PAPPA: variants seen among roughly 807,000 people sequenced by gnomAD.
PAPPA encodes pappalysin 1.
In PAPPA, 60 loss-of-function variants were observed where a neutral mutation model predicts 164.0. The ratio of observed to expected loss-of-function variants is 0.37; its 90% CI spans 0.30 to 0.45. The LOEUF (loss-of-function observed/expected upper bound fraction) is 0.45. PAPPA is among the 20% of genes least tolerant of loss of function. The pLI is 1.00. For synonymous variants in PAPPA, 875 were observed against 814.1 expected (o/e 1.07, Z -1.27); for missense variants, 1,782 against 2,087.3 (o/e 0.85, Z 2.85).
intron 9 of PAPPA, among the ~76,000 whole-genome samples, chr9:116,278,305 A>C (rs1242355988): frequency 1.3e-5 from 2 of 152,242 alleles, no homozygotes; most frequent in African/African-American, 4.8e-5. Context: ...TTGAGAGGTT[A>C]AGTGAATATC....
chr9:116,334,252 A>C (rs1189289671), intron 12 of PAPPA, among the ~76,000 whole-genome samples: 9 of 150,634 alleles, frequency 6.0e-5, no homozygotes, highest in Non-Finnish European at 1.2e-4. Context: ...AAAAAAAAAA[A>C]AAAAAAAACA....
chr9:116,223,922 A>G (rs1370458212), intron 5 of PAPPA, among the ~76,000 whole-genome samples: 1 of 152,192 alleles, frequency 6.6e-6, no homozygotes. Context: ...GGCTTTTGTG[A>G]AGAATTTAGC....
At chr9:116,328,912 A>G (rs1215572455) in intron 10 of PAPPA, among the ~76,000 whole-genome samples, 1 of 152,202 alleles carries the variant, frequency 6.6e-6, no homozygotes, top group Non-Finnish European at 1.5e-5. Flanking sequence ...TATTATCCAT[A>G]TTGTATTTGC....
intron 17 of PAPPA, among the ~76,000 whole-genome samples, chr9:116,355,702 G>C (rs1846344840): frequency 6.6e-6 from 1 of 152,172 alleles, no homozygotes; most frequent in Non-Finnish European, 1.5e-5. Context: ...CCTGCCTGGG[G>C]CCTTCCAAGT....
intron 18 of PAPPA, among the ~76,000 whole-genome samples, chr9:116,366,232 C>T (rs920383006): frequency 6.6e-6 from 1 of 152,030 alleles, no homozygotes; most frequent in African/African-American, 2.4e-5. Flanking sequence ...ATGGACTAGG[C>T]TTGATTTTTC....
At chr9:116,380,654 G>T (rs1846719022) in intron 20 of PAPPA, among the ~76,000 whole-genome samples, 1 of 152,198 alleles carries the variant, frequency 6.6e-6, no homozygotes, top group South Asian at 2.1e-4. Context: ...TGTTCATTCT[G>T]GTGGTCACAC....
chr9:116,252,031 G>A (rs1428538833), intron 7 of PAPPA, among the ~76,000 whole-genome samples: 1 of 152,092 alleles, frequency 6.6e-6, no homozygotes, highest in Non-Finnish European at 1.5e-5. Flanking sequence ...ATTTCAATTG[G>A]TGGTAAAAGA....
At chr9:116,161,244 G>T (rs923506314) in intron 1 of PAPPA, among the ~76,000 whole-genome samples, 1 of 152,194 alleles carries the variant, frequency 6.6e-6, no homozygotes, top group African/African-American at 2.4e-5. Context: ...GTTCTTTGAT[G>T]TTGGGACTTC....
intron 9 of PAPPA, among the ~76,000 whole-genome samples, chr9:116,293,746 G>T (rs987581869): frequency 6.6e-6 from 1 of 152,130 alleles, no homozygotes; most frequent in Non-Finnish European, 1.5e-5. Flanking sequence ...CCTGAGGTCG[G>T]GAGTTCGAGA....
At chr9:116,211,289 G>A (rs1336820492) in intron 3 of PAPPA, among the ~76,000 whole-genome samples, 1 of 152,198 alleles carries the variant, frequency 6.6e-6, no homozygotes, top group Non-Finnish European at 1.5e-5. Flanking sequence ...CTTTGTAAGG[G>A]AAAGGTTGCA....
chr9:116,190,810 G>A (rs1844033026), intron 2 of PAPPA, among the ~76,000 whole-genome samples: 1 of 152,210 alleles, frequency 6.6e-6, no homozygotes, highest in Non-Finnish European at 1.5e-5. Context: ...GAGCGACCAT[G>A]AGCCAGCTAT....
At position 116,332,360 on chromosome 9, in the gene PAPPA, G is replaced by A. The variant is rs756381219; in HGVS notation, c.3289G>A (p.Ala1097Thr). The change falls in exon 12 of 22, where the codon GCA becomes ACA. Residue 1097 changes from alanine to threonine, a missense_variant. Physicochemically the swap from Ala to Thr is moderately conservative, Grantham distance 58. Coordinates refer to ENST00000328252, the MANE Select transcript of PAPPA (RefSeq NM_002581.5). ...GTATTTTTCTCAACCAATGGTTGCC[G>A]CAGCTGTCATTGTCCACCTGGTGAC... is the stretch of plus-strand genomic sequence containing the variant. ...RAYFSQPMVA[A>T]AVIVHLVTDG... 20 of 1,613,532 alleles carry A rather than the reference G, an allele frequency of 1.2e-5. No individual in the cohort carries two copies. Among genetic ancestry groups the A allele is most frequent in the East Asian group, 6.7e-5 (3 of 44,884 alleles).
At chr9:116,169,599 C>A (rs1843754071) in intron 1 of PAPPA, among the ~76,000 whole-genome samples, 1 of 151,838 alleles carries the variant, frequency 6.6e-6, no homozygotes, top group African/African-American at 2.4e-5. Context: ...GGATTACAAG[C>A]ATGAGCCACC....
At chr9:116,284,550 T>G (rs1240571804) in intron 9 of PAPPA, among the ~76,000 whole-genome samples, 4 of 144,886 alleles carry the variant, frequency 2.8e-5, no homozygotes, top group Non-Finnish European at 6.0e-5. Context: ...TGGGCCTTTT[T>G]TTTTTTTTTT....
chr9:116,316,040 A>C (rs917606937), intron 10 of PAPPA, among the ~76,000 whole-genome samples: 1 of 152,242 alleles, frequency 6.6e-6, no homozygotes, highest in African/African-American at 2.4e-5. Flanking sequence ...CAGGTAGCCC[A>C]GTGGTAGAAC....
At chr9:116,245,233 A>G (rs1844783455) in intron 7 of PAPPA, among the ~76,000 whole-genome samples, 1 of 151,984 alleles carries the variant, frequency 6.6e-6, no homozygotes, top group African/African-American at 2.4e-5. Flanking sequence ...GACCGTAGAT[A>G]CCCCCCAAAC....
intron 7 of PAPPA, 102 bp downstream of exon 7, chr9:116,235,739 C>T: frequency 9.2e-7 from 1 of 1,087,044 alleles, no homozygotes; most frequent in Non-Finnish European, 1.4e-6. Context: ...TCATCACAGT[C>T]AAGACTCACT....
At chr9:116,170,216 C>T (rs938005799) in intron 1 of PAPPA, among the ~76,000 whole-genome samples, 2 of 152,112 alleles carry the variant, frequency 1.3e-5, no homozygotes, top group African/African-American at 4.8e-5. Context: ...GTTCCCAGCT[C>T]TAAAATATGA....
intron 9 of PAPPA, among the ~76,000 whole-genome samples, chr9:116,275,872 G>T (rs1260943756): frequency 6.6e-6 from 1 of 152,044 alleles, no homozygotes. Flanking sequence ...TATTCCCAAG[G>T]TGCCAGTGTG....
Sources: allele counts gnomAD v4.1 joint callset (sites outside exome capture counted in the v4.1 genomes callset), GRCh38; gene constraint gnomAD v4.1.1; transcripts MANE v1.5; gene names NCBI Gene and HGNC (gene_info 2026-07-23, HGNC 2026-07-21).